NYAP2: variants seen among roughly 807,000 people sequenced by gnomAD.
NYAP2 encodes neuronal tyrosine-phosphorylated phosphoinositide-3-kinase adaptor 2.
NYAP2 carries 23 observed loss-of-function variants against 50.4 expected under a neutral mutation model. That is an observed-to-expected ratio of 0.46 (90% confidence interval 0.33 to 0.65). The LOEUF is 0.65. Among genes scored for constraint, NYAP2 ranks in the 30% least tolerant of loss-of-function variants. The probability of loss-of-function intolerance (pLI) is 0.02; values close to 1 mark genes in which losing one functional copy is unlikely to be tolerated. For missense variants in NYAP2, 885 were observed against 861.0 expected, an observed-to-expected ratio of 1.03 and a Z score of -0.35; for synonymous variants, 394 against 365.2, an observed-to-expected ratio of 1.08 and a Z score of -0.90.
chr2:225,449,339 C>A (rs1230716554), intron 3 of NYAP2, among the ~76,000 whole-genome samples: 1 of 152,158 alleles, frequency 6.6e-6, no homozygotes, highest in Non-Finnish European at 1.5e-5. Flanking sequence ...TAAACTTCAA[C>A]AAGCTTTGCA....
the NYAP2 span, among the ~76,000 whole-genome samples, chr2:225,664,895 A>C: frequency 6.6e-6 from 1 of 151,562 alleles, no homozygotes; most frequent in South Asian, 2.1e-4. Flanking sequence ...ACAAACAAAA[A>C]CCCCCAAAGG....
At chr2:225,503,777 A>C (rs922527684) in intron 3 of NYAP2, among the ~76,000 whole-genome samples, 1 of 152,182 alleles carries the variant, frequency 6.6e-6, no homozygotes, top group Non-Finnish European at 1.5e-5. Context: ...TTAAATTATC[A>C]TGGTGTTTGA....
At chr2:225,536,476 GCTGATGGGGTCCTTTGAGCT>G (rs1418433968) in intron 4 of NYAP2, among the ~76,000 whole-genome samples, 10 of 152,162 alleles carry the variant, frequency 6.6e-5, no homozygotes, top group African/African-American at 1.7e-4. Flanking sequence ...AAAAGAATGT[GCTGATGGGGTCCTTTGAGCT>G]CTATATTCTT....
chr2:225,649,817 A>C (rs1574731151), intron 6 of NYAP2, among the ~76,000 whole-genome samples: 1 of 152,242 alleles, frequency 6.6e-6, no homozygotes, highest in East Asian at 1.9e-4. Context: ...ATAAGTGACT[A>C]AATTCATTTT....
chr2:225,442,603 T>C (rs1689488491), intron 3 of NYAP2, among the ~76,000 whole-genome samples: 1 of 152,012 alleles, frequency 6.6e-6, no homozygotes, highest in African/African-American at 2.4e-5. Flanking sequence ...TGAGACAGAG[T>C]CTCTGTCTAT....
chr2:225,594,565 T>G (rs2106237579), intron 5 of NYAP2, among the ~76,000 whole-genome samples: 1 of 152,272 alleles, frequency 6.6e-6, no homozygotes, highest in Middle Eastern at 3.4e-3. Context: ...AAATAGGTCA[T>G]TTAACATCTT....
At chr2:225,649,659 T>C (rs776729575) in intron 6 of NYAP2, among the ~76,000 whole-genome samples, 5 of 152,200 alleles carry the variant, frequency 3.3e-5, no homozygotes, top group Non-Finnish European at 7.3e-5. Flanking sequence ...CATAAGCCAT[T>C]GTGCCTGGCC....
intron 4 of NYAP2, among the ~76,000 whole-genome samples, chr2:225,525,958 A>T (rs1441004293): frequency 6.6e-6 from 1 of 152,184 alleles, no homozygotes; most frequent in Non-Finnish European, 1.5e-5. Context: ...GCAGCCTCTG[A>T]GAGTTGAGAG....
chr2:225,627,075 C>G, exon 6 of NYAP2: 2 of 1,597,500 alleles, frequency 1.3e-6, no homozygotes, highest in Non-Finnish European at 1.7e-6. Flanking sequence ...CACCAGTCGA[C>G]TAGGAAGATG....
chr2:225,460,376 T>A (rs1689810069), intron 3 of NYAP2, among the ~76,000 whole-genome samples: 1 of 152,242 alleles, frequency 6.6e-6, no homozygotes, highest in Non-Finnish European at 1.5e-5. Context: ...ATTTGTCTTA[T>A]TTTTCTATTT....
chr2:225,695,201 T>C, the NYAP2 span, among the ~76,000 whole-genome samples: 1 of 151,780 alleles, frequency 6.6e-6, no homozygotes, highest in Non-Finnish European at 1.5e-5. Flanking sequence ...TATGAAATGT[T>C]ATGCAACTGT....
At chr2:225,490,880 A>T (rs1341890422) in intron 3 of NYAP2, among the ~76,000 whole-genome samples, 1 of 152,216 alleles carries the variant, frequency 6.6e-6, no homozygotes, top group African/African-American at 2.4e-5. Context: ...ATGACTGTTA[A>T]AAGATGTTGC....
At chr2:225,464,351 T>C (rs1485179918) in intron 3 of NYAP2, among the ~76,000 whole-genome samples, 3 of 152,082 alleles carry the variant, frequency 2.0e-5, no homozygotes, top group Admixed American at 6.5e-5. Context: ...AAACATCCTA[T>C]GTGTCACCCT....
the NYAP2 span, among the ~76,000 whole-genome samples, chr2:225,696,798 C>G: frequency 1.3e-5 from 2 of 151,964 alleles, no homozygotes; most frequent in Non-Finnish European, 2.9e-5. Flanking sequence ...AATCTTGACT[C>G]TGCCATTTGT....
At chr2:225,506,781 G>A (rs1690714719) in intron 3 of NYAP2, among the ~76,000 whole-genome samples, 1 of 152,106 alleles carries the variant, frequency 6.6e-6, no homozygotes, top group Non-Finnish European at 1.5e-5. Flanking sequence ...AGGTGACAGT[G>A]GCCCACCTGC....
rs1197090988 is a variant in NYAP2 at position 225,477,386 on chromosome 2, G to A, written c.222-35985G>A. Reference sequence around the variant, plus strand: ...CGAGTAGCTGGGACTACAGGTGCCCGCCACCACGCCTGGCTAATTTTTTGT... The same window carrying A: ...CGAGTAGCTGGGACTACAGGTGCCCACCACCACGCCTGGCTAATTTTTTGT... On this transcript the variant is annotated intron_variant, in intron 3 of 6. Transcript: ENST00000636099. Among the ~76,000 whole-genome samples the A allele has an allele frequency of 9.9e-5, 15 of 151,770 alleles. No individual in the cohort carries two copies. The South Asian group carries it at 1.0e-3, about 11-fold the overall frequency.
At chr2:225,476,591 A>G (rs562048499) in intron 3 of NYAP2, among the ~76,000 whole-genome samples, 1 of 152,292 alleles carries the variant, frequency 6.6e-6, no homozygotes, top group East Asian at 1.9e-4. Flanking sequence ...AATCTGCATT[A>G]TCATTTTCTC....
intron 4 of NYAP2, among the ~76,000 whole-genome samples, chr2:225,515,469 A>ATGTG (rs112169506): frequency 0.018 from 2,734 of 149,738 alleles, 91 homozygotes; most frequent in African/African-American, 0.063. Flanking sequence ...ATGAACATTC[A>ATGTG]TGTGTGTGTG....
intron 5 of NYAP2, among the ~76,000 whole-genome samples, chr2:225,613,935 T>C (rs1030530847): frequency 1.3e-5 from 2 of 152,202 alleles, no homozygotes. Context: ...AGTGAAGGTG[T>C]ATTTTAAAAC....
Sources: gnomAD v4.1 joint callset for allele counts (sites outside exome capture counted in the v4.1 genomes callset) on GRCh38, gnomAD v4.1.1 for gene constraint, MANE v1.5 for transcripts, NCBI Gene and HGNC (gene_info 2026-07-23, HGNC 2026-07-21) for gene names.